Variants in PGGT1B observed in about 807,000 individuals in gnomAD.
PGGT1B encodes the protein geranylgeranyl transferase type-1 subunit beta.
A neutral mutation model predicts 46.1 loss-of-function variants in PGGT1B; 30 were observed. That is an observed-to-expected ratio of 0.65 (90% CI 0.49 to 0.88). The LOEUF (loss-of-function observed/expected upper bound fraction) is 0.88, where lower values mean the gene tolerates loss of function less well. Ranked by LOEUF, PGGT1B falls within the 40% of genes least tolerant of loss-of-function variation. The probability of loss-of-function intolerance (pLI) is 0.00; values close to 1 mark genes in which losing one functional copy is unlikely to be tolerated. For missense variants in PGGT1B, 376 were observed against 455.9 expected, an observed-to-expected ratio of 0.82 and a Z score of 1.60; for synonymous variants, 170 against 160.0, an observed-to-expected ratio of 1.06 and a Z score of -0.47.
In PGGT1B at chr5:115,206,987, A is replaced by G. The variant is rs575783480; in HGVS notation, c.*5415T>C. The G allele has an allele frequency of 2.5e-3, 375 of 151,836 alleles. 1 individual carries two copies. Among genetic ancestry groups the G allele is most frequent in the African/African-American group, 8.5e-3 (353 of 41,498 alleles). 9.4% of individuals were successfully genotyped at this position (151,836 alleles called of 1,614,324 possible). On this transcript the variant is annotated 3_prime_UTR_variant, in exon 9 of 9. Coordinates refer to ENST00000419445, the MANE Select transcript of PGGT1B (RefSeq NM_005023.4). ...GGAAAGACATGTTTTGATGTTGTCT[A>G]TCTAAGAATATCATGTATCTTTCCA...
chr5:115,211,283 T>G lies in PGGT1B; in HGVS notation c.*1119A>C, dbSNP rs532553934. 14 of 152,002 alleles carry G rather than the reference T, an allele frequency of 9.2e-5. No homozygotes were observed. The highest frequency in any genetic ancestry group is 3.4e-4 in the African/African-American group (14 of 41,448). The allele number at this position is 152,002 out of a possible 1,614,324, so 9.4% of individuals were successfully genotyped here. Reference sequence around the variant, plus strand: ...ACCTCCTTTATAATTAGCTAGTTCATAGACTTAAAACAAAACAATGAACAA... The same window carrying G: ...ACCTCCTTTATAATTAGCTAGTTCAGAGACTTAAAACAAAACAATGAACAA... On this transcript the variant is annotated 3_prime_UTR_variant, in exon 9 of 9. Transcript: ENST00000419445.
intron 7 of PGGT1B, among the ~76,000 whole-genome samples, chr5:115,219,806 T>C (rs1321478066): frequency 5.3e-5 from 8 of 151,746 alleles, no homozygotes; most frequent in Non-Finnish European, 1.2e-4. Flanking sequence ...CAAGAAGATA[T>C]ACAAATGACC....
At chr5:115,255,504 T>C (rs1748273438) in intron 1 of PGGT1B, among the ~76,000 whole-genome samples, 1 of 152,144 alleles carries the variant, frequency 6.6e-6, no homozygotes, top group African/African-American at 2.4e-5. Flanking sequence ...ATACATAAAG[T>C]AAATGATTAT....
chr5:115,244,078 C>A (rs1482883019), intron 2 of PGGT1B, among the ~76,000 whole-genome samples: 2 of 152,126 alleles, frequency 1.3e-5, no homozygotes, highest in African/African-American at 4.8e-5. Flanking sequence ...ATAACTTTAA[C>A]TCCCATCTAC....
intron 7 of PGGT1B, among the ~76,000 whole-genome samples, chr5:115,220,780 C>A (rs1184782081): frequency 6.6e-6 from 1 of 151,528 alleles, no homozygotes; most frequent in Non-Finnish European, 1.5e-5. Flanking sequence ...CACTAAGGTT[C>A]TGTTTTTTTT....
chr5:115,236,569 GA>G, intron 4 of PGGT1B, 47 bp from the exon 5 acceptor site: 1 of 1,370,340 alleles, frequency 7.3e-7, no homozygotes, highest in Non-Finnish European at 9.7e-7. Context: ...ACTGGACTCT[GA>G]TTTTTTTGCA....
At chr5:115,242,667 T>C (rs926370256) in intron 2 of PGGT1B, among the ~76,000 whole-genome samples, 2 of 152,178 alleles carry the variant, frequency 1.3e-5, no homozygotes, top group Admixed American at 1.3e-4. Context: ...AAATGTATTT[T>C]AAAAAGATAC....
chr5:115,223,219 C>A (rs1049969374), intron 6 of PGGT1B, among the ~76,000 whole-genome samples: 1 of 152,114 alleles, frequency 6.6e-6, no homozygotes, highest in African/African-American at 2.4e-5. Context: ...TACTTCAAAA[C>A]GTATCCATAC....
chr5:115,217,398 T>C (rs978384737), intron 7 of PGGT1B, among the ~76,000 whole-genome samples: 1 of 152,120 alleles, frequency 6.6e-6, no homozygotes, highest in Admixed American at 6.5e-5. Flanking sequence ...AAACAAAAAT[T>C]ACTAACCAGA....
intron 1 of PGGT1B, 60 bp downstream of exon 1, chr5:115,262,652 C>T (rs1369415268): frequency 7.1e-6 from 11 of 1,541,944 alleles, no homozygotes; most frequent in African/African-American, 2.7e-5. Flanking sequence ...CCGACTCCGC[C>T]GCGCCTTTCC....
At position 115,251,935 on chromosome 5, in the gene PGGT1B, T is replaced by A. The variant is rs1748119569; in HGVS notation, c.259+1202A>T. 3.9e-5 allele frequency among the ~76,000 whole-genome samples: 6 copies of A among 152,108 alleles called. No individual in the cohort carries two copies. The South Asian group carries it at 1.2e-3, about 32-fold the overall frequency. On this transcript the variant is annotated intron_variant, in intron 2 of 8. Transcript: ENST00000419445. ...CTTTCACTTAAATTATTAAAAAACA[T>A]CCGGCAAAAAGGGAAAACAACAATT...
chr5:115,239,434 G>A (rs561989866), intron 3 of PGGT1B, among the ~76,000 whole-genome samples: 31 of 152,234 alleles, frequency 2.0e-4, no homozygotes, highest in African/African-American at 6.5e-4. Context: ...TAGAACTCAA[G>A]CTCTAGTTCT....
chr5:115,250,364 G>A (rs1306393179), intron 2 of PGGT1B, among the ~76,000 whole-genome samples: 1 of 152,224 alleles, frequency 6.6e-6, no homozygotes, highest in Non-Finnish European at 1.5e-5. Context: ...AGAGAAAAAA[G>A]TTGGAGAAGG....
rs980272200 is a variant in PGGT1B at position 115,225,065 on chromosome 5, A to C, written c.659-3057T>G. On this transcript the variant is annotated intron_variant, in intron 6 of 8. Transcript: ENST00000419445. ...TATATCATTATATTAAAAGTACAAT[A>C]CTAGAATTGTTCTTTATTATAATGA... Among the ~76,000 whole-genome samples the C allele has an allele frequency of 3.3e-5, 5 of 152,254 alleles. No individual in the cohort carries two copies. In the East Asian group the frequency reaches 9.6e-4, roughly 29 times the overall value.
chr5:115,220,025 A>G (rs1756539588), intron 7 of PGGT1B, among the ~76,000 whole-genome samples: 1 of 151,834 alleles, frequency 6.6e-6, no homozygotes. Context: ...CTGCTGTGGA[A>G]AAGTTTGGCA....
chr5:115,217,888 T>C (rs1260226999), intron 7 of PGGT1B, among the ~76,000 whole-genome samples: 1 of 151,932 alleles, frequency 6.6e-6, no homozygotes, highest in African/African-American at 2.4e-5. Context: ...AATGAAAAAA[T>C]TATAATAGTA....
In PGGT1B at chr5:115,212,374, T is replaced by TGGCCCCCCCCCCCC; in HGVS notation, c.*27_*28insGGGGGGGGGGGGCC. On this transcript the variant is annotated 3_prime_UTR_variant, in exon 9 of 9. Transcript: ENST00000419445. ...ACTTGAGCTACAGTTATGCTACAAA[T>TGGCCCCCCCCCCCC]CCCCCCACCCTCCCAATCTAAAATC... The TGGCCCCCCCCCCCC allele has an allele frequency of 6.4e-7, 1 of 1,554,748 alleles. No individual in the cohort carries two copies. Among genetic ancestry groups the TGGCCCCCCCCCCCC allele is most frequent in the Non-Finnish European group, 8.8e-7 (1 of 1,131,922 alleles).
At chr5:115,255,981 C>T (rs557443206) in intron 1 of PGGT1B, among the ~76,000 whole-genome samples, 1 of 152,214 alleles carries the variant, frequency 6.6e-6, no homozygotes, top group Non-Finnish European at 1.5e-5. Context: ...GATCAAGGTC[C>T]TACTTCACAA....
chr5:115,255,965 C>A (rs778303432), intron 1 of PGGT1B, among the ~76,000 whole-genome samples: 13 of 152,148 alleles, frequency 8.5e-5, no homozygotes, highest in Non-Finnish European at 1.8e-4. Context: ...ACCAACATAA[C>A]ATAGAGATCA....
Sources: gnomAD v4.1 joint callset for allele counts (sites outside exome capture counted in the v4.1 genomes callset) on GRCh38, gnomAD v4.1.1 for gene constraint, MANE v1.5 for transcripts, NCBI Gene and HGNC (gene_info 2026-07-23, HGNC 2026-07-21) for gene names.